The following TYK2 variants were observed in gnomAD, a reference collection of about 807,000 sequenced individuals.
TYK2 encodes the protein non-receptor tyrosine-protein kinase TYK2.
In TYK2, 65 loss-of-function variants were observed where a neutral mutation model predicts 130.9. That is an observed-to-expected ratio of 0.50 (90% CI 0.41 to 0.61). TYK2 has a LOEUF of 0.61. Ranked by LOEUF, TYK2 falls within the 20% of genes least tolerant of loss-of-function variation. The pLI is 0.00. For synonymous variants in TYK2, 647 were observed against 658.9 expected, an observed-to-expected ratio of 0.98 and a Z score of 0.28; for missense variants, 1,378 against 1,610.7, an observed-to-expected ratio of 0.86 and a Z score of 2.47.
chr19:10,358,702 C>T lies in TYK2; in HGVS notation c.2175+473G>A, dbSNP rs556079667. Among the ~76,000 whole-genome samples the T allele has an allele frequency of 4.6e-5, 7 of 152,080 alleles. No homozygotes were observed. The South Asian group carries it at 1.0e-3, about 23-fold the overall frequency. The stretch of plus-strand genomic sequence containing the variant: ...AACTCCTGACCTCAGGTGATCCACC[C>T]GCCTTGGCCTCCCAAACTGCTGGGA... On this transcript the variant is annotated intron_variant, in intron 15 of 24. Transcript: ENST00000525621.
At chr19:10,362,807 G>A (rs1288938690) in intron 9 of TYK2, 150 bp from the exon 10 acceptor site, 1 of 676,266 alleles carries the variant, frequency 1.5e-6, no homozygotes, top group East Asian at 2.7e-5. Flanking sequence ...CACTAACTCT[G>A]GACACACAGC....
At chr19:10,377,578 G>A in intron 3 of TYK2, among the ~76,000 whole-genome samples, 2 of 125,936 alleles carry the variant, frequency 1.6e-5, no homozygotes, top group Non-Finnish European at 3.4e-5. Context: ...GTGGGTGGGT[G>A]GATGGATGGA....
At chr19:10,356,925 T>G in intron 17 of TYK2, 1 of 616,274 alleles carries the variant, frequency 1.6e-6, no homozygotes. Flanking sequence ...CCAGTGATTA[T>G]GCAGAGCTGG....
rs373966690 is a variant in TYK2, at chr19:10,368,804, TAAGTAA to T, written c.194-392_194-387del. 39 of 225,548 alleles carry T rather than the reference TAAGTAA, an allele frequency of 1.7e-4. 1 individual carries two copies. In the East Asian group the frequency reaches 2.3e-3, roughly 13 times the overall value. The allele number at this position is 225,548 out of a possible 1,614,324, so 14.0% of individuals were successfully genotyped here. ...GAACCATCCAACCTGTACTTGATTT[TAAGTAA>T]AACTTTTTTTTTTTTTTTGAGATGG... is the stretch of plus-strand genomic sequence containing the variant. On this transcript the variant is annotated intron_variant, in intron 3 of 24. Coordinates refer to ENST00000525621, the MANE Select transcript of TYK2 (RefSeq NM_003331.5).
In TYK2 at chr19:10,365,750, G is replaced by C; in HGVS notation, c.778C>G (p.Leu260Val). ...LSQQMVMVKYLATLERLAPRF... is the reference protein window; with the variant it reads ...LSQQMVMVKYVATLERLAPRF... ...GGTGCCAGCCGCTCGAGTGTGGCTAGGTATTTGACCATGACCATCTGCTGG... is the reference window on the plus strand; with the variant it reads ...GGTGCCAGCCGCTCGAGTGTGGCTACGTATTTGACCATGACCATCTGCTGG... Residue 260 changes from leucine (L) to valine (V), a missense_variant, in exon 7 of 25, where the codon CTA becomes GTA. Coordinates refer to ENST00000525621, the MANE Select transcript of TYK2 (RefSeq NM_003331.5). The C allele has an allele frequency of 5.0e-6, 8 of 1,612,950 alleles. No homozygotes were observed. The highest frequency in any genetic ancestry group is 2.2e-5 in the East Asian group (1 of 44,866).
rs1239075512 is a variant in TYK2 at position 10,365,732 on chromosome 19, G to A, written c.796C>T (p.Leu266=). The change falls in exon 7 of 25, where the codon CTG becomes TTG. Residue 266 remains leucine, a synonymous_variant. Transcript: ENST00000525621. ...CGCTCTGTGCCGAAGCGGGGTGCCA[G>A]CCGCTCGAGTGTGGCTAGGTATTTG... ...MVKYLATLER[L]APRFGTERVP... 18 of 1,613,100 alleles carry A rather than the reference G, an allele frequency of 1.1e-5. No homozygotes were observed. Among genetic ancestry groups the A allele is most frequent in the Non-Finnish European group, 1.5e-5 (18 of 1,179,856 alleles).
Position 10,356,614 on chromosome 19 carries a change from T to A in TYK2, c.2571A>T (p.Pro857=). ...QCLTYEPTQR[P]SFRTILRDLT... ...GGTCACGCAGGATGGTGCGGAATGA[T>A]GGCCTCTGGGTTGGCTCATAGGTCA... Residue 857 remains proline, a synonymous_variant, in exon 18 of 25, where the codon CCA becomes CCT. Coordinates refer to ENST00000525621, the MANE Select transcript of TYK2 (RefSeq NM_003331.5). 1 of 1,613,818 alleles carries A rather than the reference T, an allele frequency of 6.2e-7. No individual in the cohort carries two copies. Among genetic ancestry groups the A allele is most frequent in the South Asian group, 1.1e-5 (1 of 91,042 alleles).
At chr19:10,357,971 C>T (rs1170989664) in intron 16 of TYK2, 32 bp downstream of exon 16, 1 of 1,613,360 alleles carries the variant, frequency 6.2e-7, no homozygotes, top group Non-Finnish European at 8.5e-7. Context: ...GGGGAAGCCC[C>T]CCACTGTGCC....
chr19:10,355,352 A>G (rs1056818143), intron 18 of TYK2, among the ~76,000 whole-genome samples: 1 of 152,290 alleles, frequency 6.6e-6, no homozygotes, highest in East Asian at 1.9e-4. Flanking sequence ...TGAAAATGGC[A>G]TATTAGGCCG....
Position 10,359,077 on chromosome 19 carries a change from A to T in TYK2, c.2175+98T>A, listed in dbSNP as rs1055954665. On this transcript the variant is annotated intron_variant, in intron 15 of 24. Coordinates refer to ENST00000525621, the MANE Select transcript of TYK2 (RefSeq NM_003331.5). ...AACTCCACCTAAAACAAAACAAACAAAAAAGATGGGGTCTCGCCCTGTTGC... is the reference window on the plus strand; with the variant it reads ...AACTCCACCTAAAACAAAACAAACATAAAAGATGGGGTCTCGCCCTGTTGC... 8 of 1,507,370 alleles carry T rather than the reference A, an allele frequency of 5.3e-6. No homozygotes were observed. The African/African-American group carries it at 1.1e-4, about 21-fold the overall frequency. The allele number at this position is 1,507,370 out of a possible 1,614,324, so 93.4% of individuals were successfully genotyped here. A position where few individuals can be genotyped will look rare whatever the true frequency, so the allele number is the denominator to read the frequency against.
Position 10,353,650 on chromosome 19 carries a change from C to A in TYK2, c.2909-4G>T, listed in dbSNP as rs1405710028. 2.7e-6 allele frequency: 4 copies of A among 1,470,714 alleles called. No individual in the cohort carries two copies. The highest frequency in any genetic ancestry group is 3.6e-6 in the Non-Finnish European group (4 of 1,110,684). The allele number at this position is 1,470,714 out of a possible 1,614,324, so 91.1% of individuals were successfully genotyped here. On this transcript the variant is annotated splice_region_variant and splice_polypyrimidine_tract_variant and intron_variant, in intron 20 of 24. Coordinates refer to ENST00000525621, the MANE Select transcript of TYK2 (RefSeq NM_003331.5). The surrounding 1 kb of genome is among the most constrained non-coding windows in gnomAD (Gnocchi z 6.9). The stretch of plus-strand genomic sequence containing the variant: ...ACCAGCTGCAGCGACTTCTCGCCTG[C>A]CGCGGAGAGGGGCGGCCCCGGTGGG...
intron 1 of TYK2, 55 bp from the exon 2 acceptor site, chr19:10,379,834 T>C (rs752092455): frequency 6.6e-6 from 1 of 152,254 alleles, no homozygotes; most frequent in Non-Finnish European, 1.5e-5. Flanking sequence ...AATAACATAA[T>C]TGTTATTAGT....
At chr19:10,358,194 C>T in intron 15 of TYK2, 56 bp from the exon 16 acceptor site, 2 of 1,544,446 alleles carry the variant, frequency 1.3e-6, no homozygotes, top group Admixed American at 1.9e-5. Flanking sequence ...GACGCCAACC[C>T]CAAACCTGGT....
chr19:10,378,452 C>T (rs2042250168), intron 2 of TYK2, 26 bp from the exon 3 acceptor site: 9 of 1,585,214 alleles, frequency 5.7e-6, no homozygotes, highest in Non-Finnish European at 7.7e-6. Context: ...TCTGTCAGCT[C>T]CCAAGTCTCA....
intron 3 of TYK2, among the ~76,000 whole-genome samples, chr19:10,376,765 C>A (rs2042134779): frequency 6.6e-6 from 1 of 151,992 alleles, no homozygotes. Context: ...CCACGCCCGG[C>A]TAGTTTTTGT....
chr19:10,379,252 C>T (rs1311118241), intron 2 of TYK2, among the ~76,000 whole-genome samples: 1 of 151,832 alleles, frequency 6.6e-6, no homozygotes, highest in African/African-American at 2.4e-5. Context: ...TCTCCTGAGC[C>T]CAGGAGTTGG....
At position 10,366,584 on chromosome 19, in the gene TYK2, G is replaced by T. The variant is rs1276907882; in HGVS notation, c.466-4C>A. 6.2e-7 allele frequency: 1 copy of T among 1,613,998 alleles called. No homozygotes were observed. The highest frequency in any genetic ancestry group is 1.7e-5 in the Admixed American group (1 of 59,980). ...CATTCACAAACTCATGCTTGCCCTG[G>T]GAACAGGAAATTGAGCAGAAAGGGA... On this transcript the variant is annotated splice_polypyrimidine_tract_variant and splice_region_variant and intron_variant, in intron 5 of 24. Coordinates refer to ENST00000525621, the MANE Select transcript of TYK2 (RefSeq NM_003331.5).
At position 10,361,004 on chromosome 19, in the gene TYK2, C is replaced by G. The variant is rs1191893195; in HGVS notation, c.2047+507G>C. 7.9e-6 allele frequency: 3 copies of G among 380,070 alleles called. No homozygotes were observed. Among genetic ancestry groups the G allele is most frequent in the African/African-American group, 2.1e-5 (1 of 47,904 alleles). The allele number at this position is 380,070 out of a possible 1,614,324, so 23.5% of individuals were successfully genotyped here. A position where few individuals can be genotyped will look rare whatever the true frequency, so the allele number is the denominator to read the frequency against. ...TCCTGGGTTTAAGCGATCCTCCCAC[C>G]TCTGCCTCCCAAAGTGCTGGGATAG... is the stretch of plus-strand genomic sequence containing the variant. On this transcript the variant is annotated intron_variant, in intron 14 of 24. Coordinates refer to ENST00000525621, the MANE Select transcript of TYK2 (RefSeq NM_003331.5). The surrounding 1 kb of genome is among the most constrained non-coding windows in gnomAD (Gnocchi z 4.0).
intron 5 of TYK2, among the ~76,000 whole-genome samples, chr19:10,367,851 C>T (rs1244883560): frequency 2.7e-5 from 4 of 146,596 alleles, no homozygotes; most frequent in Admixed American, 6.9e-5. Flanking sequence ...ACCTGGGAGG[C>T]GGAGCTTGCA....
Sources: allele counts gnomAD v4.1 joint callset (sites outside exome capture counted in the v4.1 genomes callset), GRCh38; gene constraint gnomAD v4.1.1; non-coding constraint Gnocchi (gnomAD v3.1); transcripts MANE v1.5; gene names NCBI Gene and HGNC (gene_info 2026-07-23, HGNC 2026-07-21).